TAF5L: variants seen among roughly 807,000 people sequenced by gnomAD.
The protein encoded by TAF5L is TAF5-like RNA polymerase II p300/CBP-associated factor-associated factor 65 kDa subunit 5L.
Under a neutral mutation model 51.3 loss-of-function variants are expected in TAF5L, and 7 were observed. That is an observed-to-expected ratio of 0.14 (90% CI 0.08 to 0.26). The LOEUF (loss-of-function observed/expected upper bound fraction) is 0.26. TAF5L is among the 10% of genes least tolerant of loss of function. TAF5L has a pLI of 1.00. For missense variants in TAF5L, 575 were observed against 758.9 expected (o/e 0.76, Z 2.85); for synonymous variants, 291 against 308.1 (o/e 0.94, Z 0.58).
At chr1:229,608,124 G>A (rs1425515935) in intron 3 of TAF5L, among the ~76,000 whole-genome samples, 5 of 152,048 alleles carry the variant, frequency 3.3e-5, no homozygotes, top group Non-Finnish European at 7.4e-5. Context: ...TAATACACCT[G>A]GCCTTACACA....
chr1:229,621,331 A>G (rs984750475), intron 1 of TAF5L, among the ~76,000 whole-genome samples: 6 of 152,240 alleles, frequency 3.9e-5, no homozygotes, highest in African/African-American at 1.4e-4. Context: ...CAAAGTCTCC[A>G]AAAGTTAGTA....
intron 3 of TAF5L, chr1:229,607,678 G>A (rs1664645962): frequency 5.8e-6 from 1 of 173,226 alleles, no homozygotes; most frequent in African/African-American, 2.4e-5. Flanking sequence ...GTCTGTGAAA[G>A]TGCTTCTGTG....
At chr1:229,610,073 T>C in intron 3 of TAF5L, 33 bp downstream of exon 3, 1 of 1,604,046 alleles carries the variant, frequency 6.2e-7, no homozygotes, top group Non-Finnish European at 8.5e-7. Flanking sequence ...TCTGTTTTCT[T>C]AAAAAGAAAA....
At chr1:229,614,363 T>C in exon 2 of TAF5L, 1 of 1,614,228 alleles carries the variant, frequency 6.2e-7, no homozygotes, top group Non-Finnish European at 8.5e-7. Context: ...CCGCCATCTC[T>C]TCAGCAGTCT....
At chr1:229,600,326 T>G (rs1664325914) in intron 4 of TAF5L, 1 of 985,246 alleles carries the variant, frequency 1.0e-6, no homozygotes, top group Non-Finnish European at 1.2e-6. Flanking sequence ...AAAAAAGGTT[T>G]ATTCTTAAAA....
chr1:229,623,115 A>C (rs1215840519), intron 1 of TAF5L, among the ~76,000 whole-genome samples: 1 of 152,076 alleles, frequency 6.6e-6, no homozygotes, highest in Non-Finnish European at 1.5e-5. Context: ...CATCTCCACT[A>C]ATACAAAAAT....
At position 229,594,372 on chromosome 1, in the gene TAF5L, G is replaced by A. The variant is rs1664036760; in HGVS notation, c.1695C>T (p.Asn565=). 3.7e-6 allele frequency: 6 copies of A among 1,614,026 alleles called. No homozygotes were observed. Among genetic ancestry groups the A allele is most frequent in the East Asian group, 4.5e-5 (2 of 44,896 alleles). Residue 565 remains asparagine, a synonymous_variant, in exon 5 of 5, where the codon AAC becomes AAT. Transcript: ENST00000258281. The surrounding 1 kb of genome is among the most constrained non-coding windows in gnomAD (Gnocchi z 7.9). The stretch of plus-strand genomic sequence containing the variant: ...AGGCCATGAACTGCACGCTCAGGAC[G>A]TTGCTCATCTGCCCGGTGTACACGC...
chr1:229,609,388 T>C (rs116256187), intron 3 of TAF5L, among the ~76,000 whole-genome samples: 1,953 of 152,358 alleles, frequency 0.013, 43 homozygotes, highest in African/African-American at 0.045. Context: ...TACAGAACTG[T>C]AATGATTTTT....
intron 1 of TAF5L, among the ~76,000 whole-genome samples, chr1:229,622,053 CTA>C (rs1558156010): frequency 7.1e-6 from 1 of 141,058 alleles, no homozygotes; most frequent in African/African-American, 2.9e-5. Flanking sequence ...ATCTATCTAT[CTA>C]TCTATCTATC....
intron 1 of TAF5L, among the ~76,000 whole-genome samples, chr1:229,616,637 T>C (rs1042225364): frequency 6.6e-6 from 1 of 152,202 alleles, no homozygotes; most frequent in African/African-American, 2.4e-5. Flanking sequence ...ACTGTCCCAA[T>C]ACCATTTGCA....
exon 5 of TAF5L, chr1:229,593,677 G>A (rs1486255881): frequency 2.0e-5 from 3 of 151,980 alleles, no homozygotes; most frequent in African/African-American, 7.3e-5. Flanking sequence ...AGTGCCAGGA[G>A]TCAAACCTGA....
intron 1 of TAF5L, among the ~76,000 whole-genome samples, chr1:229,622,445 G>A (rs901598287): frequency 1.3e-5 from 2 of 152,078 alleles, no homozygotes; most frequent in African/African-American, 2.4e-5. Flanking sequence ...TAAGAGGGAA[G>A]GCTGCCTGGT....
At chr1:229,604,233 T>C (rs2102748195) in intron 3 of TAF5L, among the ~76,000 whole-genome samples, 1 of 151,760 alleles carries the variant, frequency 6.6e-6, no homozygotes, top group South Asian at 2.1e-4. Flanking sequence ...GAATACTGCA[T>C]CAGAGAATCT....
chr1:229,607,503 TC>T, intron 3 of TAF5L: 1 of 982,212 alleles, frequency 1.0e-6, no homozygotes. Context: ...TTACTCCTCT[TC>T]CTCCTCCTCT....
intron 1 of TAF5L, among the ~76,000 whole-genome samples, chr1:229,619,759 A>G (rs1218006749): frequency 6.6e-6 from 1 of 152,108 alleles, no homozygotes; most frequent in Non-Finnish European, 1.5e-5. Context: ...ACGATCTCTC[A>G]GCTGGATGTG....
rs557703024 is a variant in TAF5L at position 229,613,267 on chromosome 1, C to T, written c.142+1074G>A. 5.2e-4 allele frequency among the ~76,000 whole-genome samples: 75 copies of T among 144,802 alleles called. 1 individual carries two copies. The highest frequency in any genetic ancestry group is 1.9e-3 in the African/African-American group (73 of 38,860). 95.0% of individuals were successfully genotyped at this position (144,802 alleles called of 152,430 possible). On this transcript the variant is annotated intron_variant, in intron 2 of 4. Coordinates refer to ENST00000258281, the Ensembl canonical transcript of TAF5L. ...ATCACTTGAGCCTGGGAAGTTGAGGCTGCAGTGAGCTGTGACTGCATCACT... is the reference window on the plus strand; with the variant it reads ...ATCACTTGAGCCTGGGAAGTTGAGGTTGCAGTGAGCTGTGACTGCATCACT...
chr1:229,619,035 G>A (rs1571853792), intron 1 of TAF5L, among the ~76,000 whole-genome samples: 1 of 152,002 alleles, frequency 6.6e-6, no homozygotes, highest in African/African-American at 2.4e-5. Flanking sequence ...TTTTCCAATG[G>A]CAAATTTATG....
intron 1 of TAF5L, among the ~76,000 whole-genome samples, chr1:229,624,740 A>G (rs1665365256): frequency 6.6e-6 from 1 of 152,156 alleles, no homozygotes; most frequent in African/African-American, 2.4e-5. Context: ...TATCCACTAC[A>G]TTATGCTGTT....
intron 4 of TAF5L, chr1:229,601,305 T>C (rs1396403111): frequency 1.0e-6 from 1 of 985,304 alleles, no homozygotes; most frequent in Non-Finnish European, 1.2e-6. Context: ...GCTCCTTAAT[T>C]ATTCAACATT....
Sources: gnomAD v4.1 joint callset for allele counts (sites outside exome capture counted in the v4.1 genomes callset) on GRCh38, gnomAD v4.1.1 for gene constraint, Gnocchi (gnomAD v3.1) non-coding constraint, MANE v1.5 for transcripts, NCBI Gene and HGNC (gene_info 2026-07-23, HGNC 2026-07-21) for gene names.